DCLK2: variants seen among roughly 807,000 people sequenced by gnomAD.
The protein encoded by DCLK2 is doublecortin like kinase 2, also known as serine/threonine-protein kinase DCLK2.
A neutral mutation model predicts 78.4 loss-of-function variants in DCLK2; 31 were observed. The ratio of observed to expected loss-of-function variants is 0.40; its 90% CI spans 0.30 to 0.53. The LOEUF (loss-of-function observed/expected upper bound fraction) is 0.53. Ranked by LOEUF, DCLK2 falls within the 20% of genes least tolerant of loss-of-function variation. The pLI is 0.61. For synonymous variants in DCLK2, 407 were observed against 374.9 expected, an observed-to-expected ratio of 1.09 and a Z score of -0.99; for missense variants, 872 against 973.7, an observed-to-expected ratio of 0.90 and a Z score of 1.39.
chr4:150,231,878 T>C (rs954088286), intron 8 of DCLK2, among the ~76,000 whole-genome samples: 8 of 152,226 alleles, frequency 5.3e-5, no homozygotes, highest in Admixed American at 2.0e-4. Context: ...GTTTAAAAAC[T>C]AAAAATGCTT....
chr4:150,150,649 G>A (rs1734820700), intron 2 of DCLK2, among the ~76,000 whole-genome samples: 1 of 151,994 alleles, frequency 6.6e-6, no homozygotes, highest in African/African-American at 2.4e-5. Context: ...ATTTATGTTG[G>A]GCTTAATGCC....
chr4:150,205,334 T>G (rs1739773016), intron 5 of DCLK2, among the ~76,000 whole-genome samples: 1 of 152,178 alleles, frequency 6.6e-6, no homozygotes, highest in Admixed American at 6.5e-5. Flanking sequence ...AGTAGACTTG[T>G]ATAATGTTTA....
chr4:150,151,614 A>G (rs759203196), intron 2 of DCLK2, among the ~76,000 whole-genome samples: 6 of 152,176 alleles, frequency 3.9e-5, no homozygotes, highest in Non-Finnish European at 7.3e-5. Context: ...TTTACTAGTA[A>G]TTATTGATTA....
chr4:150,116,239 G>A (rs528553151), intron 2 of DCLK2, among the ~76,000 whole-genome samples: 1 of 152,306 alleles, frequency 6.6e-6, no homozygotes, highest in Non-Finnish European at 1.5e-5. Context: ...TCCATGCTGA[G>A]CTCCCATGGG....
chr4:150,250,772 G>C (rs1313714440), intron 15 of DCLK2, among the ~76,000 whole-genome samples: 5 of 151,360 alleles, frequency 3.3e-5, no homozygotes, highest in African/African-American at 1.2e-4. Flanking sequence ...ATATTCTCAT[G>C]GTACATGGTT....
chr4:150,213,306 C>T (rs749288525), intron 5 of DCLK2, among the ~76,000 whole-genome samples: 2 of 152,234 alleles, frequency 1.3e-5, no homozygotes, highest in Non-Finnish European at 2.9e-5. Flanking sequence ...AACCACAAGT[C>T]TTAAGTGCCA....
intron 5 of DCLK2, 50 bp downstream of exon 5, chr4:150,203,939 T>G: frequency 1.3e-6 from 2 of 1,535,180 alleles, no homozygotes; most frequent in Non-Finnish European, 1.8e-6. Flanking sequence ...TATTTAGAGT[T>G]TCATAGTTTA....
At chr4:150,199,159 C>A in intron 4 of DCLK2, 1 of 1,291,128 alleles carries the variant, frequency 7.7e-7, no homozygotes, top group Non-Finnish European at 1.1e-6. Context: ...TCCTTTTGCT[C>A]CATTTCCATG....
intron 2 of DCLK2, among the ~76,000 whole-genome samples, chr4:150,181,433 C>T (rs1416482825): frequency 6.6e-6 from 1 of 152,110 alleles, no homozygotes; most frequent in Non-Finnish European, 1.5e-5. Context: ...ATGATGATTG[C>T]TTCTCCTCCC....
chr4:150,144,098 C>A (rs891573315), intron 2 of DCLK2, among the ~76,000 whole-genome samples: 7 of 151,982 alleles, frequency 4.6e-5, no homozygotes, highest in Admixed American at 6.6e-5. Context: ...TTGGGGTGTT[C>A]GTCATAAATT....
In DCLK2 at chr4:150,232,764, A is replaced by G. The variant is rs143008050; in HGVS notation, c.1502A>G (p.Asn501Ser). 6.4e-5 allele frequency: 104 copies of G among 1,614,174 alleles called. No individual in the cohort carries two copies. The East Asian group carries it at 9.6e-4, about 15-fold the overall frequency. Residue 501 changes from asparagine to serine, a missense_variant, in exon 10 of 16, where the codon AAT becomes AGT. Asn to Ser is a conservative substitution (Grantham distance 46). Transcript: ENST00000296550. ...AGTGCCATGGTGTACAACTTAGCCA[A>G]TGCCCTCAGGTATCTCCATGGCCTC... is the stretch of plus-strand genomic sequence containing the variant. ...DGSAMVYNLA[N>S]ALRYLHGLSI...
At chr4:150,090,696 A>G (rs1376527099) in intron 1 of DCLK2, among the ~76,000 whole-genome samples, 1 of 152,190 alleles carries the variant, frequency 6.6e-6, no homozygotes, top group Non-Finnish European at 1.5e-5. Flanking sequence ...TTCAATGCTA[A>G]AACATGGATT....
At chr4:150,139,121 T>C (rs1381901823) in intron 2 of DCLK2, among the ~76,000 whole-genome samples, 1 of 152,136 alleles carries the variant, frequency 6.6e-6, no homozygotes, top group Non-Finnish European at 1.5e-5. Flanking sequence ...TGCCTCAGCC[T>C]CACAAGGTGC....
chr4:150,125,397 T>C (rs1354249567), intron 2 of DCLK2, among the ~76,000 whole-genome samples: 6 of 152,196 alleles, frequency 3.9e-5, no homozygotes, highest in African/African-American at 9.6e-5. Context: ...TTAAACTTTT[T>C]CCAGAACTTT....
intron 8 of DCLK2, among the ~76,000 whole-genome samples, chr4:150,226,274 T>C (rs1741601681): frequency 6.6e-6 from 1 of 151,622 alleles, no homozygotes; most frequent in South Asian, 2.1e-4. Flanking sequence ...AAGCATAGAC[T>C]GCATAGACTG....
chr4:150,207,876 T>C (rs1739956506), intron 5 of DCLK2, among the ~76,000 whole-genome samples: 1 of 152,112 alleles, frequency 6.6e-6, no homozygotes, highest in Non-Finnish European at 1.5e-5. Context: ...CCCTGGCAAT[T>C]GGTATAGAGA....
Position 150,246,502 on chromosome 4 carries a change from G to C in DCLK2, c.1779-1101G>C, listed in dbSNP as rs17026772. Among the ~76,000 whole-genome samples, 849 of 152,264 alleles carry C rather than the reference G, an allele frequency of 5.6e-3. 6 individuals carry two copies. Among genetic ancestry groups the C allele is most frequent in the African/African-American group, 0.019 (801 of 41,544 alleles). On this transcript the variant is annotated intron_variant, in intron 12 of 15. Transcript: ENST00000296550. ...GAGGGTTGGTAGCAAAACCCTGAAG[G>C]CTGGGTGAAGAAATTCCAAGAAAAG... is the stretch of plus-strand genomic sequence containing the variant.
intron 2 of DCLK2, among the ~76,000 whole-genome samples, chr4:150,130,417 T>C (rs1293491111): frequency 6.6e-6 from 1 of 152,040 alleles, no homozygotes. Context: ...AGAGAGACTG[T>C]TCCCATCCAT....
intron 8 of DCLK2, among the ~76,000 whole-genome samples, chr4:150,230,176 G>A (rs1429402105): frequency 1.3e-5 from 2 of 152,188 alleles, no homozygotes; most frequent in Non-Finnish European, 2.9e-5. Flanking sequence ...AATAAGTGGT[G>A]GAGGAAATGT....
Sources: gnomAD v4.1 joint callset for allele counts (sites outside exome capture counted in the v4.1 genomes callset) on GRCh38, gnomAD v4.1.1 for gene constraint, MANE v1.5 for transcripts, NCBI Gene and HGNC (gene_info 2026-07-23, HGNC 2026-07-21) for gene names.